The following FDPS variants were observed in gnomAD, a reference collection of about 807,000 sequenced individuals.
FDPS encodes the protein farnesyl diphosphate synthase, also known as farnesyl pyrophosphate synthase.
In FDPS, 29 loss-of-function variants were observed where a neutral mutation model predicts 49.5. That is an observed-to-expected ratio of 0.59 (90% CI 0.44 to 0.80). The LOEUF is 0.80. Among genes scored for constraint, FDPS ranks in the 30% least tolerant of loss-of-function variants. The pLI is 0.00. For missense variants in FDPS, 414 were observed against 525.6 expected, an observed-to-expected ratio of 0.79 and a Z score of 2.08; for synonymous variants, 172 against 206.4, an observed-to-expected ratio of 0.83 and a Z score of 1.43.
chr1:155,317,843 A>C, intron 4 of FDPS, 98 bp from the exon 5 acceptor site: 4 of 1,113,016 alleles, frequency 3.6e-6, no homozygotes, highest in Non-Finnish European at 1.3e-6. Flanking sequence ...CCCTACCAAA[A>C]AAAAGCAAAA....
At chr1:155,317,697 T>C (rs1324037822) in intron 4 of FDPS, 2 of 339,372 alleles carry the variant, frequency 5.9e-6, no homozygotes. Context: ...AAAAAAAAAA[T>C]AGCCAGGCAT....
chr1:155,313,592 G>A (rs773355495), intron 4 of FDPS, among the ~76,000 whole-genome samples: 6 of 152,272 alleles, frequency 3.9e-5, no homozygotes, highest in Admixed American at 1.3e-4. Context: ...GGAACTTGTC[G>A]GGGAGATGGG....
At chr1:155,313,564 C>A (rs1045042374) in intron 4 of FDPS, among the ~76,000 whole-genome samples, 1 of 151,976 alleles carries the variant, frequency 6.6e-6, no homozygotes, top group Non-Finnish European at 1.5e-5. Flanking sequence ...GTCCTGTGGG[C>A]GGTGGAAATT....
chr1:155,319,208 T>C (rs1649921933), intron 8 of FDPS, among the ~76,000 whole-genome samples: 1 of 151,970 alleles, frequency 6.6e-6, no homozygotes, highest in Non-Finnish European at 1.5e-5. Flanking sequence ...ATCATCCAGG[T>C]TGAGAGGGAG....
Position 155,319,935 on chromosome 1 carries a change from G to A in FDPS, c.1059+7G>A. ...ACAGTACCAGATCCTGAAGGTGCCT[G>A]AGAGAGGGTGGTGGGTCCCTGAGTT... is the stretch of plus-strand genomic sequence containing the variant. On this transcript the variant is annotated splice_region_variant and intron_variant, in intron 10 of 10. Transcript: ENST00000368356. 6.2e-7 allele frequency: 1 copy of A among 1,613,656 alleles called. No homozygotes were observed.
At chr1:155,319,174 C>G (rs1264646629) in intron 8 of FDPS, among the ~76,000 whole-genome samples, 2 of 152,208 alleles carry the variant, frequency 1.3e-5, no homozygotes, top group Non-Finnish European at 2.9e-5. Flanking sequence ...TATCCTGTAT[C>G]TGAGTATGGA....
At chr1:155,314,292 C>A (rs1649094429) in intron 4 of FDPS, among the ~76,000 whole-genome samples, 1 of 151,740 alleles carries the variant, frequency 6.6e-6, no homozygotes, top group African/African-American at 2.4e-5. Flanking sequence ...CGGAAGCCAC[C>A]CTTCCACCGC....
Position 155,318,055 on chromosome 1 carries a change from G to C in FDPS, c.561+34G>C. The C allele has an allele frequency of 6.2e-7, 1 of 1,612,252 alleles. No homozygotes were observed. On this transcript the variant is annotated intron_variant, in intron 5 of 10. Coordinates refer to ENST00000368356, the MANE Select transcript of FDPS (RefSeq NM_002004.4). The surrounding 1 kb of genome is among the most constrained non-coding windows in gnomAD (Gnocchi z 4.2). ...GGCAGGAAAATAGCAGTGGGTATGG[G>C]GACAGGCCACAGGGAGGTGGTTATA...
Position 155,312,600 on chromosome 1 carries a change from T to C in FDPS, c.480+205T>C, listed in dbSNP as rs577190794. The C allele has an allele frequency of 6.6e-5, 38 of 573,986 alleles. 1 individual carries two copies. Among genetic ancestry groups the C allele is most frequent in the Middle Eastern group, 4.6e-4 (1 of 2,168 alleles). The allele number at this position is 573,986 out of a possible 1,614,324, so 35.6% of individuals were successfully genotyped here. On this transcript the variant is annotated intron_variant, in intron 4 of 10. Coordinates refer to ENST00000368356, the MANE Select transcript of FDPS (RefSeq NM_002004.4). The stretch of plus-strand genomic sequence containing the variant: ...TTGGCATTAGGTATGAAGATGGCTG[T>C]AGATAGTTGTAGACAGTGTGGACTG...
intron 4 of FDPS, 102 bp from the exon 5 acceptor site, chr1:155,317,839 C>A (rs1649650551): frequency 2.1e-6 from 2 of 972,016 alleles, no homozygotes; most frequent in Non-Finnish European, 3.1e-6. Context: ...TGTCCCCTAC[C>A]AAAAAAAAGC....
Position 155,319,626 on chromosome 1 carries a change from G to T in FDPS, c.862G>T (p.Glu288Ter). Residue 288 changes from glutamate to a stop codon, truncating the protein, a stop_gained, in exon 9 of 11, where the codon GAG becomes TAG. Coordinates refer to ENST00000368356, the MANE Select transcript of FDPS (RefSeq NM_002004.4). LOFTEE classifies it high-confidence loss of function. The stretch of plus-strand genomic sequence containing the variant: ...TTCCCTGCAGGCAGGAATTGATGGC[G>T]AGAAGGAGCACGCCAATGCCAAGAA... ...AAMYMAGIDG[E>*]KEHANAKKIL... is the part of the protein sequence containing the mutation. 6.2e-7 allele frequency: 1 copy of T among 1,614,186 alleles called. No homozygotes were observed. Among genetic ancestry groups the T allele is most frequent in the Non-Finnish European group, 8.5e-7 (1 of 1,180,046 alleles).
At position 155,320,393 on chromosome 1, in the gene FDPS, T is replaced by G. The variant is rs1206429348; in HGVS notation, c.1060-16T>G. On this transcript the variant is annotated splice_polypyrimidine_tract_variant and intron_variant, in intron 10 of 10. Coordinates refer to ENST00000368356, the MANE Select transcript of FDPS (RefSeq NM_002004.4). ...GGAAGGCCAAGCCCGTTTTCCTGTC[T>G]TTCAACCTCTTCCAGGAAAATTACG... 3.7e-6 allele frequency: 6 copies of G among 1,608,742 alleles called. No individual in the cohort carries two copies. The East Asian group carries it at 1.3e-4, about 36-fold the overall frequency.
Position 155,318,179 on chromosome 1 carries a change from G to A in FDPS, c.572G>A (p.Gly191Asp), listed in dbSNP as rs1300633089. 1.2e-6 allele frequency: 2 copies of A among 1,614,116 alleles called. No individual in the cohort carries two copies. The highest frequency in any genetic ancestry group is 1.7e-6 in the Non-Finnish European group (2 of 1,180,018). ...TGTCTGTCATGACAGCCGGGCGTGG[G>A]TTTGGATGCCATCAATGATGCTAAC... ...QICWYQKPGV[G>D]LDAINDANLL... The change falls in exon 6 of 11, where the codon GGT (glycine) becomes GAT (aspartate). Residue 191 changes from glycine (G) to aspartate (D), a missense_variant. Physicochemically the swap from Gly to Asp is moderately conservative, Grantham distance 94 (BLOSUM62 -1). Coordinates refer to ENST00000368356, the MANE Select transcript of FDPS (RefSeq NM_002004.4). The surrounding 1 kb of genome is among the most constrained non-coding windows in gnomAD (Gnocchi z 4.2).
chr1:155,320,091 C>A (rs1650141184), intron 10 of FDPS, 163 bp downstream of exon 10: 5 of 830,740 alleles, frequency 6.0e-6, no homozygotes, highest in Middle Eastern at 2.4e-4. Flanking sequence ...GTACAGACAT[C>A]TAGTTGGCAG....
At position 155,318,231 on chromosome 1, in the gene FDPS, G is replaced by C; in HGVS notation, c.624G>C (p.Leu208=). The change falls in exon 6 of 11, where the codon CTG becomes CTC. Residue 208 remains leucine, a synonymous_variant. Coordinates refer to ENST00000368356, the MANE Select transcript of FDPS (RefSeq NM_002004.4). This position sits in a 1 kb window ranked among gnomAD's most constrained non-coding sequence, Gnocchi z 4.2. The part of the protein sequence containing the change: ...ANLLEACIYR[L]LKLYCREQPY... Reference sequence around the variant, plus strand: ...TCCTGGAAGCATGTATCTACCGCCTGCTGAAGCTCTATTGCCGGGAGCAGC... The same window carrying C: ...TCCTGGAAGCATGTATCTACCGCCTCCTGAAGCTCTATTGCCGGGAGCAGC... 6.2e-7 allele frequency: 1 copy of C among 1,614,060 alleles called. No homozygotes were observed. Among genetic ancestry groups the C allele is most frequent in the Non-Finnish European group, 8.5e-7 (1 of 1,180,034 alleles).
At chr1:155,317,255 A>T (rs1479629410) in intron 4 of FDPS, 1 of 152,232 alleles carries the variant, frequency 6.6e-6, no homozygotes, top group Non-Finnish European at 1.5e-5. Context: ...ATGTGAAGTC[A>T]GTTTCATGAA....
chr1:155,317,849 C>T lies in FDPS; in HGVS notation c.481-92C>T. On this transcript the variant is annotated intron_variant, in intron 4 of 10. Coordinates refer to ENST00000368356, the MANE Select transcript of FDPS (RefSeq NM_002004.4). ...GACTCTGTCCCCTACCAAAAAAAAG[C>T]AAAACTATATACAGATATAAAGTAG... The T allele has an allele frequency of 3.4e-6, 4 of 1,176,418 alleles. No homozygotes were observed. In the South Asian group the frequency reaches 4.3e-5, roughly 13 times the overall value. The allele number at this position is 1,176,418 out of a possible 1,614,324, so 72.9% of individuals were successfully genotyped here.
rs745482585 is a variant in FDPS, at chr1:155,309,892, C to T, written c.103C>T (p.Leu35=). Residue 35 remains leucine, a synonymous_variant, in exon 2 of 11, where the codon CTG becomes TTG. Coordinates refer to ENST00000368356, the MANE Select transcript of FDPS (RefSeq NM_002004.4). ...RWLGSLRRPS[L]VHGYPVLAWH... ...GCTGGGTTCCCTACGGCGGCCCTCC[C>T]TGGTGCACGGGTACCCAGTCCTGGC... 3.8e-6 allele frequency: 6 copies of T among 1,595,698 alleles called. No homozygotes were observed. Among genetic ancestry groups the T allele is most frequent in the Non-Finnish European group, 5.1e-6 (6 of 1,170,082 alleles).
chr1:155,310,454 G>T (rs1346459945), intron 3 of FDPS: 3 of 473,542 alleles, frequency 6.3e-6, no homozygotes, highest in Non-Finnish European at 1.1e-5. Flanking sequence ...GGGATTACAG[G>T]TGCGTGCCAC....
Sources: allele counts gnomAD v4.1 joint callset (sites outside exome capture counted in the v4.1 genomes callset), GRCh38; gene constraint gnomAD v4.1.1; non-coding constraint Gnocchi (gnomAD v3.1); transcripts MANE v1.5; gene names NCBI Gene and HGNC (gene_info 2026-07-23, HGNC 2026-07-21).